The following PROM1 variants were observed in gnomAD, a reference collection of about 807,000 sequenced individuals.
The protein encoded by PROM1 is prominin-1.
Under a neutral mutation model 116.9 loss-of-function variants are expected in PROM1, and 105 were observed. That is an observed-to-expected ratio of 0.90 (90% CI 0.77 to 1.06). The LOEUF is 1.06. Among genes scored for constraint, PROM1 ranks in the 50% least tolerant of loss-of-function variants. PROM1 has a pLI of 0.00. For missense variants in PROM1, 1,122 were observed against 1,045.2 expected, an observed-to-expected ratio of 1.07 and a Z score of -1.01; for synonymous variants, 393 against 387.0, an observed-to-expected ratio of 1.02 and a Z score of -0.18.
chr4:16,032,119 T>C (rs1258631313), intron 5 of PROM1, among the ~76,000 whole-genome samples: 1 of 151,706 alleles, frequency 6.6e-6, no homozygotes, highest in Non-Finnish European at 1.5e-5. Flanking sequence ...TCTATAAAAA[T>C]ATGACCCAGT....
chr4:15,985,921 C>T (rs1349469520), intron 21 of PROM1, 36 bp downstream of exon 21: 3 of 146,786 alleles, frequency 2.0e-5, no homozygotes, highest in African/African-American at 1.3e-4. Flanking sequence ...CAAGTGCCCA[C>T]TTATGGACAC....
At chr4:15,981,550 C>T (rs1441231673) in intron 23 of PROM1, among the ~76,000 whole-genome samples, 2 of 148,420 alleles carry the variant, frequency 1.3e-5, no homozygotes, top group Non-Finnish European at 3.0e-5. Context: ...CCAGCCTGGG[C>T]AACAGAACGA....
intron 4 of PROM1, among the ~76,000 whole-genome samples, chr4:16,034,290 C>G (rs9993044): frequency 0.011 from 1,661 of 152,298 alleles, 31 homozygotes; most frequent in African/African-American, 0.038. Context: ...ACGTTAAACA[C>G]AGGCCAGTCA....
chr4:16,041,767 TAAATAAATAAATAA>T (rs1336810015), intron 2 of PROM1, among the ~76,000 whole-genome samples: 6,518 of 114,052 alleles, frequency 0.057, 208 homozygotes, highest in African/African-American at 0.11. Flanking sequence ...AATAAATAAA[TAAATAAATAAATAA>T]ATAAATATAT....
intron 2 of PROM1, among the ~76,000 whole-genome samples, chr4:16,068,601 C>T (rs549150173): frequency 2.0e-5 from 3 of 152,340 alleles, no homozygotes; most frequent in Middle Eastern, 3.4e-3. Context: ...AAGCTAGGCT[C>T]TGCTGGACTC....
At chr4:15,996,233 G>A (rs1255393921) in intron 15 of PROM1, among the ~76,000 whole-genome samples, 2 of 152,194 alleles carry the variant, frequency 1.3e-5, no homozygotes, top group South Asian at 2.1e-4. Context: ...AGTAATGGCC[G>A]GGCTTGGGGC....
intron 27 of PROM1, among the ~76,000 whole-genome samples, chr4:15,970,628 G>A (rs766307561): frequency 2.0e-4 from 30 of 151,448 alleles, no homozygotes; most frequent in Non-Finnish European, 4.0e-4. Context: ...TCACTGTATC[G>A]TATGTATACA....
chr4:16,045,192 T>C (rs1736256872), intron 2 of PROM1, among the ~76,000 whole-genome samples: 1 of 152,068 alleles, frequency 6.6e-6, no homozygotes, highest in South Asian at 2.1e-4. Context: ...TCCCCAGCTC[T>C]TTTGCAGCTA....
In PROM1 at chr4:16,004,306, CCTCCATGCCACAGGT is replaced by C. The variant is rs543977287; in HGVS notation, c.1454+2217_1454+2231del. 2.2e-4 allele frequency among the ~76,000 whole-genome samples: 33 copies of C among 152,348 alleles called. No homozygotes were observed. In the South Asian group the frequency reaches 6.6e-3, roughly 31 times the overall value. On this transcript the variant is annotated intron_variant, in intron 13 of 27. Coordinates refer to ENST00000447510, the MANE Select transcript of PROM1 (RefSeq NM_006017.3). ...CCTGCTGCTGAGATGAATCCTATGG[CCTCCATGCCACAGGT>C]CTCCATGTCTATAGAATTAGTATAT...
At chr4:16,063,054 C>T (rs1301905743) in intron 2 of PROM1, among the ~76,000 whole-genome samples, 1 of 152,146 alleles carries the variant, frequency 6.6e-6, no homozygotes, top group Non-Finnish European at 1.5e-5. Flanking sequence ...AGAAACTATC[C>T]ATCTCCTGAT....
intron 10 of PROM1, among the ~76,000 whole-genome samples, chr4:16,015,506 A>G (rs1312927480): frequency 6.6e-6 from 1 of 151,920 alleles, no homozygotes; most frequent in East Asian, 1.9e-4. Context: ...CCTGGCCAAC[A>G]TGGTGAAACC....
chr4:16,000,953 G>A (rs567716328), intron 13 of PROM1, among the ~76,000 whole-genome samples: 4 of 152,266 alleles, frequency 2.6e-5, no homozygotes, highest in South Asian at 2.1e-4. Flanking sequence ...GGGGACCCAC[G>A]AGGGGTAGCC....
At chr4:16,013,988 A>G (rs1389037713) in intron 10 of PROM1, among the ~76,000 whole-genome samples, 3 of 152,194 alleles carry the variant, frequency 2.0e-5, no homozygotes, top group Non-Finnish European at 4.4e-5. Flanking sequence ...AGAGGATACA[A>G]CTGTGGTGAG....
chr4:16,060,310 C>CT (rs5856330), intron 2 of PROM1, among the ~76,000 whole-genome samples: 123,306 of 146,724 alleles, frequency 0.84, 51,840 homozygotes, highest in East Asian at 0.93. Flanking sequence ...CAAATAATTC[C>CT]TTTTTTTTTT....
chr4:15,996,904 T>C (rs1722459279), intron 15 of PROM1, among the ~76,000 whole-genome samples: 2 of 152,230 alleles, frequency 1.3e-5, no homozygotes, highest in East Asian at 3.9e-4. Context: ...CTGCTCTCAA[T>C]GTGAGTCACT....
At chr4:16,053,735 C>T (rs115637186) in intron 2 of PROM1, among the ~76,000 whole-genome samples, 1,570 of 152,214 alleles carry the variant, frequency 0.01, 22 homozygotes, top group African/African-American at 0.035. Context: ...TTTATCTGGG[C>T]CACTGGCATA....
intron 10 of PROM1, among the ~76,000 whole-genome samples, chr4:16,015,792 C>T (rs1675291579): frequency 6.6e-6 from 1 of 151,926 alleles, no homozygotes; most frequent in Non-Finnish European, 1.5e-5. Context: ...TGTGCAAATG[C>T]GTGAAGGTGG....
At chr4:16,062,841 C>G (rs1360975970) in intron 2 of PROM1, among the ~76,000 whole-genome samples, 1 of 152,168 alleles carries the variant, frequency 6.6e-6, no homozygotes, top group African/African-American at 2.4e-5. Flanking sequence ...CTATTAGGAA[C>G]AGACATGGAA....
At chr4:16,053,457 G>A (rs1259489996) in intron 2 of PROM1, among the ~76,000 whole-genome samples, 2 of 152,162 alleles carry the variant, frequency 1.3e-5, no homozygotes, top group Non-Finnish European at 2.9e-5. Context: ...TTGTGATTCC[G>A]ATTCAAGGGA....
Sources: gnomAD v4.1 joint callset for allele counts (sites outside exome capture counted in the v4.1 genomes callset) on GRCh38, gnomAD v4.1.1 for gene constraint, MANE v1.5 for transcripts, NCBI Gene and HGNC (gene_info 2026-07-23, HGNC 2026-07-21) for gene names.